Variants in DMBT1 observed in about 807,000 individuals in gnomAD.
The protein encoded by DMBT1 is scavenger receptor cysteine-rich domain-containing protein DMBT1.
In DMBT1, 198 loss-of-function variants were observed where a neutral mutation model predicts 252.9. The observed-to-expected ratio is 0.78, with a 90% CI of 0.70 to 0.88. The LOEUF is 0.88. Among genes scored for constraint, DMBT1 ranks in the 40% least tolerant of loss-of-function variants. The pLI, the probability that DMBT1 is intolerant of heterozygous loss-of-function variation, is 0.00. For missense variants in DMBT1, 2,432 were observed against 2,404.7 expected, an observed-to-expected ratio of 1.01 and a Z score of -0.24; for synonymous variants, 990 against 942.7, an observed-to-expected ratio of 1.05 and a Z score of -0.92.
At chr10:122,638,311 T>TCGTTCATACCCATTCACACC (rs1555036641) in intron 54 of DMBT1, among the ~76,000 whole-genome samples, 5,913 of 141,726 alleles carry the variant, frequency 0.042, 160 homozygotes, top group South Asian at 0.14. Flanking sequence ...CCATTCACAC[T>TCGTTCATACCCATTCACACC]CGTTCACACC....
Position 122,639,432 on chromosome 10 carries a change from G to A in DMBT1, c.6943-608G>A, listed in dbSNP as rs150964918. On this transcript the variant is annotated intron_variant, in intron 54 of 55. Coordinates refer to ENST00000338354, the MANE Select transcript of DMBT1 (RefSeq NM_001377530.1). ...AGCGAAGAGAGATAGGGGTGGGGCC[G>A]TTTTATAGGATTTGGGTAGGTAGTG... Among the ~76,000 whole-genome samples, 1,770 of 152,086 alleles carry A rather than the reference G, an allele frequency of 0.012. 73 individuals carry two copies. The East Asian group carries it at 0.13, about 11-fold the overall frequency.
At chr10:122,639,564 G>A (rs200478382) in intron 54 of DMBT1, among the ~76,000 whole-genome samples, 4 of 152,038 alleles carry the variant, frequency 2.6e-5, no homozygotes, top group South Asian at 4.2e-4. Flanking sequence ...ACAAGGTAAC[G>A]TCATCAGTTA....
chr10:122,590,769 C>G lies in DMBT1; in HGVS notation c.2137+75C>G. ...TTATCCTTTTTCCCATTCCACAGAG[C>G]CCTCCTTCTTACCTGTGTGGATACT... On this transcript the variant is annotated intron_variant, in intron 18 of 55. Transcript: ENST00000338354. 1.3e-6 allele frequency: 2 copies of G among 1,521,654 alleles called. 1 individual carries two copies. Among genetic ancestry groups the G allele is most frequent in the East Asian group, 4.7e-5 (2 of 42,148 alleles). 94.3% of individuals were successfully genotyped at this position (1,521,654 alleles called of 1,614,324 possible).
chr10:122,631,223 C>T lies in DMBT1; in HGVS notation c.6288C>T (p.Asn2096=). The change falls in exon 49 of 56, where the codon AAC becomes AAT. Residue 2096 remains asparagine (N), a synonymous_variant. Transcript: ENST00000338354. ...AATCCACTCTCTGGCAGTGCCGGAA[C>T]CGAGGCTGGTTCTCCCACAACTGTA... ...GTESTLWQCR[N]RGWFSHNCNH... 1 of 1,614,018 alleles carries T rather than the reference C, an allele frequency of 6.2e-7. No homozygotes were observed. The highest frequency in any genetic ancestry group is 8.5e-7 in the Non-Finnish European group (1 of 1,179,896).
At chr10:122,590,743 A>G (rs773222358) in intron 18 of DMBT1, 49 bp downstream of exon 18, 9 of 1,571,200 alleles carry the variant, frequency 5.7e-6, no homozygotes, top group Admixed American at 3.4e-5. Flanking sequence ...TTTCTGCACA[A>G]TTATCCTTTT....
chr10:122,599,067 C>T lies in DMBT1; in HGVS notation c.3250C>T (p.His1084Tyr), dbSNP rs2277244. ...HNGWLSHNCG[H>Y]SEDAGVICSA... The stretch of plus-strand genomic sequence containing the variant: ...TGGCTGGCTCTCCCACAACTGTGGC[C>T]ATAGTGAAGACGCTGGTGTCATCTG... Residue 1084 changes from histidine (H) to tyrosine (Y), a missense_variant, in exon 26 of 56, where the codon CAT (histidine) becomes TAT (tyrosine). This residue lies in a region of DMBT1 where 1,264 missense variants were observed against 1,082.2 expected (regional missense o/e 1.17). Transcript: ENST00000338354. The T allele has an allele frequency of 0.034, 54,681 of 1,613,808 alleles. 1,257 individuals are homozygous for T. The highest frequency in any genetic ancestry group is 0.088 in the East Asian group (3,969 of 44,878).
chr10:122,629,875 G>T lies in DMBT1; in HGVS notation c.5704G>T (p.Ala1902Ser). The T allele has an allele frequency of 1.2e-6, 2 of 1,613,978 alleles. No homozygotes were observed. The highest frequency in any genetic ancestry group is 1.7e-6 in the Non-Finnish European group (2 of 1,179,882). Reference sequence around the variant, plus strand: ...AAATTGTGGTGGCTTCTTATTCTATGCCAGTGGGACATTCTCCAGCCCATC... The same window carrying T: ...AAATTGTGGTGGCTTCTTATTCTATTCCAGTGGGACATTCTCCAGCCCATC... ...SSNCGGFLFY[A>S]SGTFSSPSYP... Residue 1902 changes from alanine (A) to serine (S), a missense_variant, in exon 47 of 56, where the codon GCC becomes TCC. Ala to Ser is a moderately conservative substitution (Grantham distance 99). This residue lies in a region of DMBT1 where 1,162 missense variants were observed against 1,169.0 expected (regional missense o/e 0.99). Transcript: ENST00000338354.
At chr10:122,600,488 C>T (rs889901688) in intron 27 of DMBT1, among the ~76,000 whole-genome samples, 1 of 152,212 alleles carries the variant, frequency 6.6e-6, no homozygotes, top group Non-Finnish European at 1.5e-5. Context: ...ATACCCCCAT[C>T]CTTCACTGCT....
At position 122,580,983 on chromosome 10, in the gene DMBT1, T is replaced by C. The variant is rs577833968; in HGVS notation, c.1033+88T>C. 6.0e-5 allele frequency: 92 copies of C among 1,544,350 alleles called. No homozygotes were observed. The East Asian group carries it at 1.9e-3, about 32-fold the overall frequency. ...ACTCCACAGAGCTCTCCTGTTTCTC[T>C]GTGTGGATACTGTGGGGCATATTAT... On this transcript the variant is annotated intron_variant, in intron 11 of 55. Coordinates refer to ENST00000338354, the MANE Select transcript of DMBT1 (RefSeq NM_001377530.1).
In DMBT1 at chr10:122,580,877, C is replaced by T. The variant is rs199654461; in HGVS notation, c.1015C>T (p.Arg339Trp). ...TCTCTTTCTCACAGCTCCCCAGTCC[C>T]GGCCGACACCCAGCCCAGGTAGGTC... ...AGVICSAPQSRPTPSPDTWPT... is the reference protein window; with the variant it reads ...AGVICSAPQSWPTPSPDTWPT... Residue 339 changes from arginine to tryptophan, a missense_variant, in exon 11 of 56, where the codon CGG becomes TGG. Coordinates refer to ENST00000338354, the MANE Select transcript of DMBT1 (RefSeq NM_001377530.1). 3.7e-5 allele frequency: 60 copies of T among 1,613,812 alleles called. No homozygotes were observed. Among genetic ancestry groups the T allele is most frequent in the African/African-American group, 1.6e-4 (12 of 75,006 alleles).
In DMBT1 at chr10:122,593,601, A is replaced by G. The variant is rs748197326; in HGVS notation, c.2530+3A>G. 91 of 1,586,986 alleles carry G rather than the reference A, an allele frequency of 5.7e-5. 9 individuals are homozygous for G. In the Middle Eastern group the frequency reaches 8.3e-4, roughly 15 times the overall value. On this transcript the variant is annotated splice_donor_region_variant and intron_variant, in intron 21 of 55. Coordinates refer to ENST00000338354, the MANE Select transcript of DMBT1 (RefSeq NM_001377530.1). ...GTCCCGGCCGACACCCAGTCCAGGT[A>G]GGTCCCCAGTGTCCTTCCTCAAAAT...
At chr10:122,570,269 T>C in intron 3 of DMBT1, 60 bp downstream of exon 3, 2 of 1,332,620 alleles carry the variant, frequency 1.5e-6, no homozygotes, top group Non-Finnish European at 2.2e-6. Flanking sequence ...CCTAGGTTCA[T>C]CTCTGATCCA....
rs545218233 is a variant in DMBT1 at position 122,597,663 on chromosome 10, TAG to T, written c.2918-308_2918-307del. Among the ~76,000 whole-genome samples the T allele has an allele frequency of 1.8e-4, 27 of 152,316 alleles. No homozygotes were observed. The South Asian group carries it at 5.2e-3, about 29-fold the overall frequency. On this transcript the variant is annotated intron_variant, in intron 24 of 55. Transcript: ENST00000338354. Reference sequence around the variant, plus strand: ...TCCCTAACATTTTAGCTCGAGCTAGTAGAGTGTCAGCAATGGTGTTAGATGTA... The same window carrying T: ...TCCCTAACATTTTAGCTCGAGCTAGTAGTGTCAGCAATGGTGTTAGATGTA...
intron 52 of DMBT1, among the ~76,000 whole-genome samples, chr10:122,635,687 C>G (rs1188753821): frequency 6.6e-6 from 1 of 152,150 alleles, no homozygotes; most frequent in East Asian, 1.9e-4. Flanking sequence ...AGTAGCCTCC[C>G]TCACCCTACA....
At chr10:122,598,153 C>A in intron 25 of DMBT1, 141 bp downstream of exon 25, 10 of 1,271,938 alleles carry the variant, frequency 7.9e-6, no homozygotes, top group Non-Finnish European at 1.1e-5. Flanking sequence ...AAGGTAGCGT[C>A]TCTGGGGACC....
chr10:122,627,563 G>A (rs1012304957), intron 46 of DMBT1, among the ~76,000 whole-genome samples: 1 of 151,950 alleles, frequency 6.6e-6, no homozygotes, highest in African/African-American at 2.4e-5. Flanking sequence ...CTAATTGTGG[G>A]GCAAAAACAT....
intron 2 of DMBT1, among the ~76,000 whole-genome samples, chr10:122,566,795 A>T (rs1314039772): frequency 6.6e-6 from 1 of 152,258 alleles, no homozygotes; most frequent in African/African-American, 2.4e-5. Flanking sequence ...GAGTGCTATT[A>T]TCATGAAATC....
At position 122,643,274 on chromosome 10, in the gene DMBT1, G is replaced by A. The variant is rs193149514; in HGVS notation, c.7505G>A (p.Arg2502His). 1.2e-4 allele frequency: 201 copies of A among 1,613,940 alleles called. No homozygotes were observed. In the East Asian group the frequency reaches 3.9e-3, roughly 32 times the overall value. Residue 2502 changes from arginine (R) to histidine (H), a missense_variant, in exon 56 of 56, where the codon CGC (arginine) becomes CAC (histidine). By Grantham distance (29) the Arg-to-His change is conservative. This residue lies in a region of DMBT1 where 1,162 missense variants were observed against 1,169.0 expected (regional missense o/e 0.99). Transcript: ENST00000338354. ...VVCRAYDPSS[R>H]CYRGCVLRSK... ...TGCAGAGCGTATGACCCCTCTTCCC[G>A]CTGCTACCGAGGCTGTGTGTTGAGG... is the stretch of plus-strand genomic sequence containing the variant.
rs751909515 is a variant in DMBT1 at position 122,592,297 on chromosome 10, G to A, written c.2202G>A (p.Arg734=). The A allele has an allele frequency of 2.5e-6, 4 of 1,587,456 alleles. No homozygotes were observed. Among genetic ancestry groups the A allele is most frequent in the Non-Finnish European group, 3.4e-6 (4 of 1,165,640 alleles). Residue 734 remains arginine (R), a synonymous_variant, in exon 20 of 56, where the codon AGG becomes AGA. Transcript: ENST00000338354. The part of the protein sequence containing the change: ...TVGSESSLTL[R]LVNGSDRCQG... ...GATCTGAATCCAGTTTGACCCTGAG[G>A]CTGGTGAATGGAAGTGACAGGTGTC...
Sources: allele counts gnomAD v4.1 joint callset (sites outside exome capture counted in the v4.1 genomes callset), GRCh38; gene constraint gnomAD v4.1.1; regional missense constraint gnomAD v4.1.1; transcripts MANE v1.5; gene names NCBI Gene and HGNC (gene_info 2026-07-23, HGNC 2026-07-21).